Variants in UHRF2 observed in about 807,000 individuals in gnomAD.
The protein encoded by UHRF2 is ubiquitin like with PHD and ring finger domains 2.
A neutral mutation model predicts 96.8 loss-of-function variants in UHRF2; 23 were observed. The observed-to-expected ratio is 0.24, with a 90% CI of 0.17 to 0.34. UHRF2 has a LOEUF of 0.34. UHRF2 is among the 10% of genes least tolerant of loss of function. UHRF2 has a pLI of 1.00. For missense variants in UHRF2, 685 were observed against 981.5 expected (o/e 0.70, Z 4.04); for synonymous variants, 385 against 332.6 (o/e 1.16, Z -1.72).
chr9:6,456,025 A>C (rs1384245996), intron 3 of UHRF2, among the ~76,000 whole-genome samples: 1 of 152,164 alleles, frequency 6.6e-6, no homozygotes, highest in Non-Finnish European at 1.5e-5. Context: ...AGAACCTTAT[A>C]AAGCTTTAGG....
At chr9:6,442,903 G>T (rs369757332) in intron 3 of UHRF2, among the ~76,000 whole-genome samples, 2 of 151,908 alleles carry the variant, frequency 1.3e-5, no homozygotes, top group African/African-American at 4.8e-5. Flanking sequence ...ATGTACTGTC[G>T]GTCAGTCTTA....
intron 11 of UHRF2, 81 bp downstream of exon 11, chr9:6,497,441 T>C: frequency 6.7e-7 from 1 of 1,500,530 alleles, no homozygotes. Flanking sequence ...CTACTGTGGG[T>C]GGGCTCGAGG....
At position 6,493,939 on chromosome 9, in the gene UHRF2, C is replaced by T. The variant is rs768638529; in HGVS notation, c.1604+7C>T. 1 of 1,607,782 alleles carries T rather than the reference C, an allele frequency of 6.2e-7. No homozygotes were observed. Among genetic ancestry groups the T allele is most frequent in the South Asian group, 1.1e-5 (1 of 90,538 alleles). On this transcript the variant is annotated splice_region_variant and intron_variant, in intron 10 of 15. Transcript: ENST00000276893. ...CATTAACAAACATGAACAGGTACTA[C>T]TATAGACACTGTTTAGAATTTGAAC... is the stretch of plus-strand genomic sequence containing the variant.
At chr9:6,452,469 A>G (rs1454951014) in intron 3 of UHRF2, among the ~76,000 whole-genome samples, 1 of 152,248 alleles carries the variant, frequency 6.6e-6, no homozygotes, top group Non-Finnish European at 1.5e-5. Flanking sequence ...ACTTCATAAA[A>G]TATTTTAAGT....
At chr9:6,468,408 C>G (rs1176064209) in intron 4 of UHRF2, 2 of 455,718 alleles carry the variant, frequency 4.4e-6, no homozygotes, top group Admixed American at 2.3e-5. Flanking sequence ...CTAAATAGCC[C>G]GATCAAATAG....
chr9:6,500,797 T>G (rs1013784168), intron 14 of UHRF2, 88 bp downstream of exon 14: 45 of 1,262,178 alleles, frequency 3.6e-5, no homozygotes, highest in Non-Finnish European at 4.3e-5. Context: ...CACACATCAG[T>G]CAAAACTTCA....
At chr9:6,453,768 G>A (rs576539655) in intron 3 of UHRF2, among the ~76,000 whole-genome samples, 2 of 152,064 alleles carry the variant, frequency 1.3e-5, no homozygotes, top group Non-Finnish European at 2.9e-5. Flanking sequence ...AACCAGGAGT[G>A]GTGGCAGGTA....
At chr9:6,450,351 A>G (rs1821784770) in intron 3 of UHRF2, among the ~76,000 whole-genome samples, 1 of 126,026 alleles carries the variant, frequency 7.9e-6, no homozygotes. Flanking sequence ...TGTCTTGTAC[A>G]ATTTTCTCAG....
chr9:6,473,870 A>G (rs1416833108), intron 4 of UHRF2, among the ~76,000 whole-genome samples: 1 of 152,224 alleles, frequency 6.6e-6, no homozygotes, highest in Non-Finnish European at 1.5e-5. Context: ...AATGCGAATG[A>G]CAGAAAAAAC....
intron 10 of UHRF2, chr9:6,494,454 C>G (rs769303518): frequency 6.6e-6 from 1 of 152,280 alleles, no homozygotes; most frequent in Non-Finnish European, 1.5e-5. Context: ...CAAAAGTGAT[C>G]TTTTCTAACT....
rs547679192 is a variant in UHRF2, at chr9:6,479,311, G to A, written c.1160+1503G>A. On this transcript the variant is annotated intron_variant, in intron 6 of 15. Transcript: ENST00000276893. ...TTTTTATGTCTAAACCTAAGGGTCA[G>A]TTCTCATTCCTTACTCAACTGCTTA... Among the ~76,000 whole-genome samples, 3 of 152,238 alleles carry A rather than the reference G, an allele frequency of 2.0e-5. No homozygotes were observed. The East Asian group carries it at 5.8e-4, about 29-fold the overall frequency.
chr9:6,418,723 A>G (rs570516737), intron 1 of UHRF2, among the ~76,000 whole-genome samples: 6 of 152,266 alleles, frequency 3.9e-5, no homozygotes, highest in African/African-American at 1.4e-4. Context: ...TTCTTGTTTC[A>G]CTGTATCATA....
intron 9 of UHRF2, among the ~76,000 whole-genome samples, chr9:6,489,695 C>A (rs903035838): frequency 6.8e-6 from 1 of 146,640 alleles, no homozygotes; most frequent in Non-Finnish European, 1.5e-5. Context: ...TATAGCACTT[C>A]AGGTTTTTTG....
chr9:6,481,465 G>A (rs1823922694), intron 6 of UHRF2, among the ~76,000 whole-genome samples, 178 bp from the exon 7 acceptor site: 1 of 152,166 alleles, frequency 6.6e-6, no homozygotes, highest in African/African-American at 2.4e-5. Context: ...TATTTTTAAA[G>A]CCAGCCTAAC....
At chr9:6,446,690 G>C (rs531571) in intron 3 of UHRF2, among the ~76,000 whole-genome samples, 151,035 of 151,690 alleles carry the variant, frequency 1, 75,192 homozygotes, top group South Asian at 1. Context: ...CGTCTCTATA[G>C]GAAAATTTGC....
Position 6,500,637 on chromosome 9 carries a change from A to G in UHRF2, c.2091A>G (p.Gln697=), listed in dbSNP as rs769093434. 3.7e-6 allele frequency: 6 copies of G among 1,613,946 alleles called. No individual in the cohort carries two copies. In the African/African-American group the frequency reaches 8.0e-5, roughly 22 times the overall value. Reference sequence around the variant, plus strand: ...CTTTTCAACTAACTCCTCAACAGCAACATCTCATCAGAGAAGATTGTCAAA... The same window carrying G: ...CTTTTCAACTAACTCCTCAACAGCAGCATCTCATCAGAGAAGATTGTCAAA... ...IEAFQLTPQQ[Q]HLIREDCQNQ... The change falls in exon 14 of 16, where the codon CAA becomes CAG. Residue 697 remains glutamine (Q), a synonymous_variant. Transcript: ENST00000276893.
chr9:6,456,705 T>G (rs1380365846), intron 3 of UHRF2, among the ~76,000 whole-genome samples: 2 of 152,228 alleles, frequency 1.3e-5, no homozygotes, highest in African/African-American at 4.8e-5. Context: ...GAGTTAATTT[T>G]TATATAAGGT....
At chr9:6,499,778 C>G (rs1825170464) in intron 12 of UHRF2, 57 bp from the exon 13 acceptor site, 1 of 1,191,700 alleles carries the variant, frequency 8.4e-7, no homozygotes, top group Non-Finnish European at 1.2e-6. Flanking sequence ...GATCTAAACC[C>G]CCCTTCTCTG....
intron 3 of UHRF2, among the ~76,000 whole-genome samples, chr9:6,458,447 A>G (rs909429537): frequency 2.0e-5 from 3 of 146,874 alleles, no homozygotes; most frequent in African/African-American, 7.4e-5. Flanking sequence ...CAGCTCCTGG[A>G]TTGTTGATTT....
Sources: gnomAD v4.1 joint callset for allele counts (sites outside exome capture counted in the v4.1 genomes callset) on GRCh38, gnomAD v4.1.1 for gene constraint, MANE v1.5 for transcripts, NCBI Gene and HGNC (gene_info 2026-07-23, HGNC 2026-07-21) for gene names.